LUZP2: variants seen among roughly 807,000 people sequenced by gnomAD.
LUZP2 encodes leucine zipper protein 2.
A neutral mutation model predicts 51.6 loss-of-function variants in LUZP2; 52 were observed. The observed-to-expected ratio is 1.01, with a 90% CI of 0.81 to 1.27. LUZP2 has a LOEUF of 1.27. LUZP2 is among the 50% of genes most tolerant of loss of function. The pLI is 0.00. For synonymous variants in LUZP2, 154 were observed against 137.3 expected (o/e 1.12, Z -0.85); for missense variants, 436 against 395.4 (o/e 1.10, Z -0.87).
intron 7 of LUZP2, among the ~76,000 whole-genome samples, chr11:24,922,809 A>G (rs1247649281): frequency 7.2e-6 from 1 of 139,180 alleles, no homozygotes; most frequent in Non-Finnish European, 1.5e-5. Flanking sequence ...GGGACTACCA[A>G]GTGGCACAGT....
intron 7 of LUZP2, among the ~76,000 whole-genome samples, chr11:24,960,382 G>C: frequency 6.6e-6 from 1 of 152,056 alleles, no homozygotes; most frequent in African/African-American, 2.4e-5. Flanking sequence ...TCTGGTCCTG[G>C]ACTCTTTTTG....
intron 1 of LUZP2, among the ~76,000 whole-genome samples, chr11:24,605,993 A>T (rs1853904500): frequency 6.6e-6 from 1 of 151,820 alleles, no homozygotes; most frequent in Non-Finnish European, 1.5e-5. Flanking sequence ...ACTTAGCATA[A>T]TGTCTTCCAG....
intron 7 of LUZP2, among the ~76,000 whole-genome samples, chr11:24,975,433 GT>G (rs1855859111): frequency 6.6e-6 from 1 of 152,032 alleles, no homozygotes; most frequent in South Asian, 2.1e-4. Context: ...GAAAGTATTT[GT>G]TGTTGCTGTT....
chr11:24,628,188 C>A (rs1280014389), intron 1 of LUZP2, among the ~76,000 whole-genome samples: 1 of 139,532 alleles, frequency 7.2e-6, no homozygotes, highest in East Asian at 2.0e-4. Context: ...CTTGCATACA[C>A]ACGCACACAC....
Position 24,798,900 on chromosome 11 carries a change from C to T in LUZP2, c.396+35592C>T, listed in dbSNP as rs536425263. Among the ~76,000 whole-genome samples, 30 of 152,142 alleles carry T rather than the reference C, an allele frequency of 2.0e-4. 1 individual carries two copies. In the South Asian group the frequency reaches 5.6e-3, roughly 28 times the overall value. ...AGTGCCACCAGTGCAAGGAGTTCACCACATAGTTAGATTTATTTTGGCTGG... is the reference window on the plus strand; with the variant it reads ...AGTGCCACCAGTGCAAGGAGTTCACTACATAGTTAGATTTATTTTGGCTGG... On this transcript the variant is annotated intron_variant, in intron 5 of 11. Transcript: ENST00000336930.
intron 7 of LUZP2, among the ~76,000 whole-genome samples, chr11:24,947,608 A>G (rs1012777923): frequency 6.6e-6 from 1 of 151,946 alleles, no homozygotes; most frequent in Non-Finnish European, 1.5e-5. Flanking sequence ...AAATTATTTT[A>G]GTGTTTCTTG....
intron 5 of LUZP2, among the ~76,000 whole-genome samples, chr11:24,777,458 CA>C (rs1848968998): frequency 6.6e-6 from 1 of 152,052 alleles, no homozygotes; most frequent in African/African-American, 2.4e-5. Context: ...GAAACAAATT[CA>C]AATAATATAC....
intron 10 of LUZP2, among the ~76,000 whole-genome samples, chr11:25,055,124 C>T (rs895846748): frequency 4.8e-5 from 7 of 146,334 alleles, no homozygotes; most frequent in African/African-American, 1.7e-4. Flanking sequence ...GATTCTCCTG[C>T]CTCAGCCTCC....
chr11:24,965,542 A>G (rs1206063400), intron 7 of LUZP2, among the ~76,000 whole-genome samples: 1 of 151,822 alleles, frequency 6.6e-6, no homozygotes, highest in Non-Finnish European at 1.5e-5. Context: ...TGAAATATAA[A>G]ACATGAGATT....
chr11:24,687,880 G>A (rs994402635), intron 1 of LUZP2, among the ~76,000 whole-genome samples: 1 of 151,994 alleles, frequency 6.6e-6, no homozygotes, highest in East Asian at 1.9e-4. Context: ...TTCAAAAGAA[G>A]AGCTTACCCA....
intron 9 of LUZP2, among the ~76,000 whole-genome samples, chr11:24,998,136 G>A (rs1856564469): frequency 6.6e-6 from 1 of 152,108 alleles, no homozygotes; most frequent in Admixed American, 6.6e-5. Flanking sequence ...CTTTAAGGTA[G>A]TTTTTTCCAA....
At chr11:24,798,074 C>A (rs1849594700) in intron 5 of LUZP2, among the ~76,000 whole-genome samples, 1 of 151,954 alleles carries the variant, frequency 6.6e-6, no homozygotes, top group South Asian at 2.1e-4. Flanking sequence ...AAAAGAAGTC[C>A]TTTTTTGGCT....
intron 4 of LUZP2, among the ~76,000 whole-genome samples, chr11:24,760,139 T>A (rs565377644): frequency 6.6e-6 from 1 of 152,166 alleles, no homozygotes; most frequent in Non-Finnish European, 1.5e-5. Flanking sequence ...TGATTGGCAA[T>A]TGGTTATCTA....
chr11:25,026,795 C>T (rs9633853), intron 9 of LUZP2, among the ~76,000 whole-genome samples: 145,816 of 151,900 alleles, frequency 0.96, 70,242 homozygotes, highest in East Asian at 1. Flanking sequence ...ACCCTATCTC[C>T]GAGAAAAGAA....
intron 5 of LUZP2, among the ~76,000 whole-genome samples, chr11:24,806,306 A>G (rs774650945): frequency 1.3e-5 from 2 of 152,228 alleles, no homozygotes; most frequent in Non-Finnish European, 2.9e-5. Context: ...AGTTGATGGT[A>G]GCTTGAAATT....
Position 25,078,751 on chromosome 11 carries a change from T to C in LUZP2, c.*93T>C, listed in dbSNP as rs1485513002. On this transcript the variant is annotated 3_prime_UTR_variant, in exon 12 of 12. Transcript: ENST00000336930. The stretch of plus-strand genomic sequence containing the variant: ...TGATGGAAATACTGTTTCTAAAGCA[T>C]GCAACTTTTTCACAATTTTATGTAA... 2.1e-6 allele frequency: 2 copies of C among 971,972 alleles called. No individual in the cohort carries two copies. The highest frequency in any genetic ancestry group is 3.1e-6 in the Non-Finnish European group (2 of 649,352). The allele number at this position is 971,972 out of a possible 1,614,324, so 60.2% of individuals were successfully genotyped here.
At chr11:24,770,977 A>G (rs945973514) in intron 5 of LUZP2, among the ~76,000 whole-genome samples, 1 of 152,162 alleles carries the variant, frequency 6.6e-6, no homozygotes. Context: ...GGCCTTCTGC[A>G]ACAGAGGATG....
At chr11:24,684,431 A>G (rs1396646967) in intron 1 of LUZP2, among the ~76,000 whole-genome samples, 1 of 152,098 alleles carries the variant, frequency 6.6e-6, no homozygotes, top group Non-Finnish European at 1.5e-5. Context: ...ATTTGCTTGT[A>G]GTGTTCCTTC....
intron 1 of LUZP2, among the ~76,000 whole-genome samples, chr11:24,714,781 T>C (rs1054304008): frequency 6.6e-6 from 1 of 152,300 alleles, no homozygotes; most frequent in East Asian, 1.9e-4. Flanking sequence ...CCTGAGAAAT[T>C]TGATAGCCTG....
Sources: allele counts gnomAD v4.1 joint callset (sites outside exome capture counted in the v4.1 genomes callset), GRCh38; gene constraint gnomAD v4.1.1; transcripts MANE v1.5; gene names NCBI Gene and HGNC (gene_info 2026-07-23, HGNC 2026-07-21).